ALPK2: variants seen among roughly 807,000 people sequenced by gnomAD.
ALPK2 encodes the protein alpha kinase 2.
ALPK2 carries 127 observed loss-of-function variants against 163.1 expected under a neutral mutation model. The ratio of observed to expected loss-of-function variants is 0.78; its 90% CI spans 0.67 to 0.90. The LOEUF is 0.90. Among genes scored for constraint, ALPK2 ranks in the 40% least tolerant of loss-of-function variants. The pLI, the probability that ALPK2 is intolerant of heterozygous loss-of-function variation, is 0.00. For synonymous variants in ALPK2, 953 were observed against 959.1 expected (o/e 0.99, Z 0.12); for missense variants, 2,360 against 2,589.6 (o/e 0.91, Z 1.92).
chr18:58,528,641 T>C (rs73445156), intron 6 of ALPK2: 1,877 of 170,954 alleles, frequency 0.011, 41 homozygotes, highest in African/African-American at 0.043. Flanking sequence ...TGTAACCTCA[T>C]AGATTGCTGT....
chr18:58,533,065 G>C (rs1005173533), intron 5 of ALPK2, among the ~76,000 whole-genome samples: 3 of 152,182 alleles, frequency 2.0e-5, no homozygotes, highest in African/African-American at 7.2e-5. Context: ...TCTCTACCCC[G>C]TAGTCTCCGG....
intron 3 of ALPK2, among the ~76,000 whole-genome samples, chr18:58,591,785 G>A (rs777445169): frequency 7.9e-5 from 12 of 152,304 alleles, no homozygotes; most frequent in East Asian, 7.7e-4. Context: ...GAGTAACTGC[G>A]TTGTTCACTG....
chr18:58,603,346 C>T (rs2052081378), intron 3 of ALPK2, among the ~76,000 whole-genome samples: 2 of 152,248 alleles, frequency 1.3e-5, no homozygotes, highest in Admixed American at 1.3e-4. Flanking sequence ...ACCCTGTATA[C>T]ACTCCATGAG....
At position 58,535,875 on chromosome 18, in the gene ALPK2, C is replaced by G; in HGVS notation, c.4312G>C (p.Asp1438His). ...QGAREGGQSNDGNMGHEAEIQ... is the reference protein window; with the variant it reads ...QGAREGGQSNHGNMGHEAEIQ... ...TCCGCTTCGTGGCCCATGTTTCCGT[C>G]ATTTGATTGACCCCCTTCTCTGGCG... Residue 1438 changes from aspartate to histidine, a missense_variant, in exon 5 of 13, where the codon GAC (aspartate) becomes CAC (histidine). Physicochemically the swap from Asp to His is moderately conservative, Grantham distance 81 (BLOSUM62 -1). Coordinates refer to ENST00000361673, the MANE Select transcript of ALPK2 (RefSeq NM_052947.4). 1 of 1,614,198 alleles carries G rather than the reference C, an allele frequency of 6.2e-7. No homozygotes were observed. Among genetic ancestry groups the G allele is most frequent in the Middle Eastern group, 1.6e-4 (1 of 6,062 alleles).
At chr18:58,528,428 C>T (rs779557094) in intron 6 of ALPK2, among the ~76,000 whole-genome samples, 22 of 151,898 alleles carry the variant, frequency 1.4e-4, no homozygotes, top group Non-Finnish European at 2.8e-4. Context: ...CCTAGGTACT[C>T]GGGAGGCTGA....
At chr18:58,589,622 T>C (rs569821362) in intron 3 of ALPK2, among the ~76,000 whole-genome samples, 2 of 152,330 alleles carry the variant, frequency 1.3e-5, no homozygotes, top group Admixed American at 1.3e-4. Context: ...AGTCCCTACA[T>C]TTCAATCATC....
intron 12 of ALPK2, among the ~76,000 whole-genome samples, chr18:58,497,221 ATAAAACC>A (rs2051405234): frequency 2.0e-5 from 3 of 152,328 alleles, no homozygotes; most frequent in African/African-American, 7.2e-5. Context: ...CCTCATACTA[ATAAAACC>A]TACATTTTGA....
chr18:58,486,452 T>C (rs1418294888), intron 12 of ALPK2, among the ~76,000 whole-genome samples: 1 of 152,160 alleles, frequency 6.6e-6, no homozygotes, highest in Non-Finnish European at 1.5e-5. Context: ...TCTGCACAGA[T>C]TATGATCTCT....
At chr18:58,526,782 C>T (rs1055161136) in intron 6 of ALPK2, among the ~76,000 whole-genome samples, 4 of 152,194 alleles carry the variant, frequency 2.6e-5, no homozygotes, top group East Asian at 1.9e-4. Context: ...CTAATTTCCA[C>T]GCTTTAGCCT....
At chr18:58,539,528 C>T (rs1214196118) in intron 4 of ALPK2, among the ~76,000 whole-genome samples, 5 of 152,150 alleles carry the variant, frequency 3.3e-5, no homozygotes, top group Admixed American at 1.3e-4. Context: ...ACAAAGAAAA[C>T]TTATGTCCAG....
At chr18:58,485,786 TG>T (rs35456524) in intron 12 of ALPK2, among the ~76,000 whole-genome samples, 39,920 of 151,844 alleles carry the variant, frequency 0.26, 5,383 homozygotes, top group Non-Finnish European at 0.29. Context: ...CACCTGCCAC[TG>T]GGGGGGGACC....
Position 58,536,051 on chromosome 18 carries a change from T to A in ALPK2, c.4136A>T (p.Lys1379Ile). 6.2e-7 allele frequency: 1 copy of A among 1,614,174 alleles called. No homozygotes were observed. The highest frequency in any genetic ancestry group is 8.5e-7 in the Non-Finnish European group (1 of 1,180,026). The part of the protein sequence containing the change: ...VNNVSQDQEE[K>I]QLKMDHTAFF... ...GGCAGTGTGATCCATCTTGAGTTGT[T>A]TTTCCTCCTGGTCTTGACTCACATT... Residue 1379 changes from lysine (K) to isoleucine (I), a missense_variant, in exon 5 of 13, where the codon AAA becomes ATA. Transcript: ENST00000361673.
At chr18:58,626,783 A>G (rs1045072723) in intron 1 of ALPK2, among the ~76,000 whole-genome samples, 2 of 145,342 alleles carry the variant, frequency 1.4e-5, no homozygotes, top group Non-Finnish European at 3.1e-5. Context: ...ATTTTTCTCA[A>G]AGAATCTAAT....
chr18:58,515,789 G>GTTTA (rs2051518091), intron 9 of ALPK2, among the ~76,000 whole-genome samples: 1 of 152,208 alleles, frequency 6.6e-6, no homozygotes, highest in African/African-American at 2.4e-5. Context: ...ATTCATCTAA[G>GTTTA]TTTAACCTAT....
At position 58,531,935 on chromosome 18, in the gene ALPK2, CAAAAAAAAAAAAAA is replaced by C. The variant is rs35957271; in HGVS notation, c.5354-2711_5354-2698del. On this transcript the variant is annotated intron_variant, in intron 5 of 12. Transcript: ENST00000361673. ...CTAGTGACAGAGCAAGGCTCCGTCT[CAAAAAAAAAAAAAA>C]AAAAAAAAAAAAAAATAGGCTGTTG... 1.8e-4 allele frequency among the ~76,000 whole-genome samples: 9 copies of C among 49,616 alleles called. No individual in the cohort carries two copies. The South Asian group carries it at 7.9e-3, about 44-fold the overall frequency. 32.6% of individuals were successfully genotyped at this position (49,616 alleles called of 152,430 possible).
chr18:58,547,375 G>C (rs376154721), intron 4 of ALPK2, among the ~76,000 whole-genome samples: 1 of 152,238 alleles, frequency 6.6e-6, no homozygotes, highest in Non-Finnish European at 1.5e-5. Context: ...GCAGGAAAGA[G>C]ACAGTGGGCT....
chr18:58,570,895 T>C (rs191623150), intron 4 of ALPK2, among the ~76,000 whole-genome samples: 2 of 152,206 alleles, frequency 1.3e-5, no homozygotes, highest in Admixed American at 6.5e-5. Flanking sequence ...TGGGGGCACC[T>C]CTTTCCTGGC....
At chr18:58,606,637 C>T (rs1267518059) in intron 3 of ALPK2, among the ~76,000 whole-genome samples, 1 of 152,138 alleles carries the variant, frequency 6.6e-6, no homozygotes, top group African/African-American at 2.4e-5. Context: ...CCCATGCCTA[C>T]CAGTCATTTT....
chr18:58,608,600 T>A (rs1447078115), intron 2 of ALPK2, among the ~76,000 whole-genome samples: 1 of 152,194 alleles, frequency 6.6e-6, no homozygotes, highest in Non-Finnish European at 1.5e-5. Context: ...TGTATTTCTG[T>A]CTTATTTATT....
Sources: allele counts gnomAD v4.1 joint callset (sites outside exome capture counted in the v4.1 genomes callset), GRCh38; gene constraint gnomAD v4.1.1; transcripts MANE v1.5; gene names NCBI Gene and HGNC (gene_info 2026-07-23, HGNC 2026-07-21).